The following GPATCH2L variants were observed in gnomAD, a reference collection of about 807,000 sequenced individuals.
The protein encoded by GPATCH2L is G-patch domain containing 2 like, also known as G patch domain-containing protein 2-like.
GPATCH2L carries 31 observed loss-of-function variants against 57.4 expected under a neutral mutation model. That is an observed-to-expected ratio of 0.54 (90% CI 0.41 to 0.73). The LOEUF is 0.73. Among genes scored for constraint, GPATCH2L ranks in the 30% least tolerant of loss-of-function variants. The pLI, the probability that GPATCH2L is intolerant of heterozygous loss-of-function variation, is 0.00. For missense variants in GPATCH2L, 481 were observed against 599.9 expected, an observed-to-expected ratio of 0.80 and a Z score of 2.07; for synonymous variants, 199 against 210.7, an observed-to-expected ratio of 0.94 and a Z score of 0.48.
At chr14:76,179,535 G>A (rs1437899688) in intron 7 of GPATCH2L, 8 of 152,212 alleles carry the variant, frequency 5.3e-5, no homozygotes, top group Admixed American at 5.2e-4. Flanking sequence ...ATGACGAACT[G>A]GAGATCTGTA....
downstream of GPATCH2L, among the ~76,000 whole-genome samples, chr14:76,216,981 A>G (rs2040492784): frequency 6.6e-6 from 1 of 152,218 alleles, no homozygotes; most frequent in Non-Finnish European, 1.5e-5. Context: ...TTATATAGCT[A>G]CATATAAATA....
chr14:76,170,255 A>C (rs1469517706), intron 3 of GPATCH2L, among the ~76,000 whole-genome samples: 1 of 152,180 alleles, frequency 6.6e-6, no homozygotes, highest in Non-Finnish European at 1.5e-5. Context: ...GACATTTCTG[A>C]GCAACTTGTC....
chr14:76,213,073 G>A lies in GPATCH2L; in HGVS notation c.*11222G>A, dbSNP rs561995964. 1 of 151,910 alleles carries A rather than the reference G, an allele frequency of 6.6e-6. No homozygotes were observed. The highest frequency in any genetic ancestry group is 2.4e-5 in the African/African-American group (1 of 41,456). The allele number at this position is 151,910 out of a possible 1,614,324, so 9.4% of individuals were successfully genotyped here. A position where few individuals can be genotyped will look rare whatever the true frequency, so the allele number is the denominator to read the frequency against. ...AAATGTCATATAACTCAAAATATTAGGAAAAGGAATCTTTTAAAGGCAGGC... is the reference window on the plus strand; with the variant it reads ...AAATGTCATATAACTCAAAATATTAAGAAAAGGAATCTTTTAAAGGCAGGC... On this transcript the variant is annotated 3_prime_UTR_variant, in exon 10 of 10. Coordinates refer to ENST00000261530, the MANE Select transcript of GPATCH2L (RefSeq NM_017926.4).
chr14:76,195,790 AG>A (rs1262345996), intron 8 of GPATCH2L, 87 bp from the exon 9 acceptor site: 2 of 956,266 alleles, frequency 2.1e-6, no homozygotes, highest in Non-Finnish European at 3.4e-6. Flanking sequence ...TGTCTGTAAT[AG>A]GTTAAGGATT....
At chr14:76,215,127 ATGAC>A (rs1180333107), downstream of GPATCH2L, among the ~76,000 whole-genome samples, 1 of 152,206 alleles carries the variant, frequency 6.6e-6, no homozygotes, top group African/African-American at 2.4e-5. Context: ...GAAGTAAAAA[ATGAC>A]AGACATTTAT....
At chr14:76,226,889 A>G (rs929982775) in intron 1 of GPATCH2L, among the ~76,000 whole-genome samples, 1 of 152,226 alleles carries the variant, frequency 6.6e-6, no homozygotes, top group African/African-American at 2.4e-5. Flanking sequence ...GGAGCTGTAC[A>G]CTTATGATTG....
intron 9 of GPATCH2L, among the ~76,000 whole-genome samples, chr14:76,197,266 A>G (rs1258032775): frequency 6.6e-6 from 1 of 152,298 alleles, no homozygotes; most frequent in Non-Finnish European, 1.5e-5. Context: ...CATTCAGTCT[A>G]TGGTATTGGA....
rs2038191159 is a variant in GPATCH2L, at chr14:76,154,299, T to G, written c.-10-55T>G. The G allele has an allele frequency of 6.5e-6, 9 of 1,386,032 alleles. No homozygotes were observed. The highest frequency in any genetic ancestry group is 8.9e-6 in the Non-Finnish European group (9 of 1,015,326). 85.9% of individuals were successfully genotyped at this position (1,386,032 alleles called of 1,614,324 possible). On this transcript the variant is annotated intron_variant, in intron 1 of 9. Coordinates refer to ENST00000261530, the MANE Select transcript of GPATCH2L (RefSeq NM_017926.4). This position sits in a 1 kb window ranked among gnomAD's most constrained non-coding sequence, Gnocchi z 4.4. ...AAAACAACAGATCCTTTTTCAGGCT[T>G]TCTTTTTCTTTTTCTTTTCTTTCTT...
rs535524857 is a variant in GPATCH2L, at chr14:76,209,494, A to G, written c.*7643A>G. 1.3e-5 allele frequency: 2 copies of G among 152,306 alleles called. No homozygotes were observed. The highest frequency in any genetic ancestry group is 2.4e-5 in the African/African-American group (1 of 41,558). 9.4% of individuals were successfully genotyped at this position (152,306 alleles called of 1,614,324 possible). A position where few individuals can be genotyped will look rare whatever the true frequency, so the allele number is the denominator to read the frequency against. ...ATTCTAAGGTGGGTCACTCCTGTTT[A>G]CTTATGAGTTGCTATTTATGAAAAG... On this transcript the variant is annotated 3_prime_UTR_variant, in exon 10 of 10. Transcript: ENST00000261530.
intron 4 of GPATCH2L, 35 bp downstream of exon 4, chr14:76,172,054 T>C: frequency 1.4e-6 from 2 of 1,433,666 alleles, no homozygotes; most frequent in Non-Finnish European, 1.9e-6. Flanking sequence ...TTAATGCTTT[T>C]ATGGTTCTCC....
intron 1 of GPATCH2L, chr14:76,152,580 G>T (rs1409916891): frequency 2.2e-6 from 1 of 448,268 alleles, no homozygotes; most frequent in African/African-American, 2.0e-5. Flanking sequence ...TCTCTGCCCG[G>T]GTGCGTGCCT....
intron 3 of GPATCH2L, chr14:76,170,812 G>GT (rs1222365878): frequency 6.6e-6 from 1 of 152,132 alleles, no homozygotes; most frequent in African/African-American, 2.4e-5. Context: ...GAGGCAGTTT[G>GT]TTTTTGTAAT....
intron 2 of GPATCH2L, among the ~76,000 whole-genome samples, chr14:76,231,382 C>T (rs1049565186): frequency 6.6e-6 from 1 of 152,114 alleles, no homozygotes; most frequent in Non-Finnish European, 1.5e-5. Context: ...TCTGTAGGTC[C>T]TCACTTTGTT....
chr14:76,154,869 C>A lies in GPATCH2L; in HGVS notation c.506C>A (p.Ser169Tyr), dbSNP rs779973670. 6.2e-7 allele frequency: 1 copy of A among 1,614,170 alleles called. No individual in the cohort carries two copies. The change falls in exon 2 of 10, where the codon TCC becomes TAC. Residue 169 changes from serine to tyrosine, a missense_variant. This residue lies in a region of GPATCH2L where 208 missense variants were observed against 272.4 expected (regional missense o/e 0.76). Coordinates refer to ENST00000261530, the MANE Select transcript of GPATCH2L (RefSeq NM_017926.4). This position sits in a 1 kb window ranked among gnomAD's most constrained non-coding sequence, Gnocchi z 4.4. The stretch of plus-strand genomic sequence containing the variant: ...AAGTCTGCTAAGAAGCAGCGTCTGT[C>A]CCGCTGGAAGGAGAATACTCCCTGG... ...RFKSAKKQRL[S>Y]RWKENTPWTS... is the part of the protein sequence containing the mutation.
intron 5 of GPATCH2L, chr14:76,174,024 C>A: frequency 9.1e-6 from 2 of 219,536 alleles, no homozygotes; most frequent in Non-Finnish European, 1.7e-5. Flanking sequence ...GTCTTTCATC[C>A]TAGAATTCAT....
chr14:76,215,772 G>A (rs1395867807), downstream of GPATCH2L, among the ~76,000 whole-genome samples: 1 of 117,496 alleles, frequency 8.5e-6, no homozygotes, highest in South Asian at 3.7e-4. Flanking sequence ...GTGGTGGGGT[G>A]GGGGGAGGGG....
At chr14:76,168,571 G>A (rs2038947592) in intron 3 of GPATCH2L, among the ~76,000 whole-genome samples, 1 of 152,210 alleles carries the variant, frequency 6.6e-6, no homozygotes, top group Non-Finnish European at 1.5e-5. Flanking sequence ...GGGTGGAGGA[G>A]CAATGATGAT....
At chr14:76,177,873 A>G (rs1432299740) in intron 6 of GPATCH2L, 115 bp from the exon 7 acceptor site, 1 of 1,518,660 alleles carries the variant, frequency 6.6e-7, no homozygotes, top group Non-Finnish European at 9.1e-7. Context: ...CTTTCCTGTT[A>G]TTCTCTCCCT....
At chr14:76,220,467 T>G (rs2040509535) in intron 1 of GPATCH2L, among the ~76,000 whole-genome samples, 1 of 152,172 alleles carries the variant, frequency 6.6e-6, no homozygotes, top group African/African-American at 2.4e-5. Context: ...AGTTTGTATT[T>G]TAATGCAACT....
Sources: gnomAD v4.1 joint callset for allele counts (sites outside exome capture counted in the v4.1 genomes callset) on GRCh38, gnomAD v4.1.1 for gene constraint, gnomAD v4.1.1 regional missense constraint, Gnocchi (gnomAD v3.1) non-coding constraint, MANE v1.5 for transcripts, NCBI Gene and HGNC (gene_info 2026-07-23, HGNC 2026-07-21) for gene names.